UROS: variants seen among roughly 807,000 people sequenced by gnomAD.
UROS encodes the protein uroporphyrinogen-III synthase.
A neutral mutation model predicts 33.0 loss-of-function variants in UROS; 18 were observed. The ratio of observed to expected loss-of-function variants is 0.55; its 90% CI spans 0.38 to 0.81. The LOEUF (loss-of-function observed/expected upper bound fraction) is 0.81. Among genes scored for constraint, UROS ranks in the 30% least tolerant of loss-of-function variants. The probability of loss-of-function intolerance (pLI) is 0.00; values close to 1 mark genes in which losing one functional copy is unlikely to be tolerated. For missense variants in UROS, 293 were observed against 314.9 expected, an observed-to-expected ratio of 0.93 and a Z score of 0.53; for synonymous variants, 114 against 121.1, an observed-to-expected ratio of 0.94 and a Z score of 0.38.
downstream of UROS, among the ~76,000 whole-genome samples, chr10:125,787,063 C>A (rs1040755501): frequency 2.0e-5 from 3 of 152,248 alleles, no homozygotes; most frequent in Admixed American, 2.0e-4. Flanking sequence ...TTTAACCACG[C>A]CCTGGCGCAC....
chr10:125,790,161 G>A (rs1850815004), intron 9 of UROS, among the ~76,000 whole-genome samples: 1 of 152,166 alleles, frequency 6.6e-6, no homozygotes, highest in African/African-American at 2.4e-5. Flanking sequence ...GTCCTGCAGA[G>A]GCCCCGCTCC....
intron 4 of UROS, among the ~76,000 whole-genome samples, chr10:125,814,046 T>C (rs557977413): frequency 9.8e-5 from 15 of 152,340 alleles, no homozygotes; most frequent in Admixed American, 9.2e-4. Context: ...TTCCATACCC[T>C]TTGTTCTCCA....
intron 6 of UROS, among the ~76,000 whole-genome samples, chr10:125,799,156 G>A (rs1851606658): frequency 6.6e-6 from 1 of 152,136 alleles, no homozygotes; most frequent in Non-Finnish European, 1.5e-5. Flanking sequence ...AATAACTGCA[G>A]GCCACTTAAT....
intron 6 of UROS, among the ~76,000 whole-genome samples, chr10:125,803,446 C>A (rs944157607): frequency 5.3e-5 from 8 of 152,228 alleles, no homozygotes; most frequent in Admixed American, 4.6e-4. Flanking sequence ...CCTGCCACAG[C>A]ACCCCAGGCC....
chr10:125,798,175 A>G (rs371061372), intron 6 of UROS, 30 bp from the exon 7 acceptor site: 5 of 1,610,454 alleles, frequency 3.1e-6, no homozygotes, highest in African/African-American at 2.7e-5. Context: ...CTTTGTGAAA[A>G]CTCAGGGCCA....
intron 1 of UROS, among the ~76,000 whole-genome samples, chr10:125,817,519 A>G (rs1461416481): frequency 6.6e-6 from 1 of 152,006 alleles, no homozygotes; most frequent in Non-Finnish European, 1.5e-5. Flanking sequence ...TCTCAGCTTT[A>G]TGACTTAACC....
chr10:125,816,271 A>G lies in UROS; in HGVS notation c.64-11T>C. 6.2e-7 allele frequency: 1 copy of G among 1,613,260 alleles called. No homozygotes were observed. The highest frequency in any genetic ancestry group is 8.5e-7 in the Non-Finnish European group (1 of 1,179,164). On this transcript the variant is annotated splice_polypyrimidine_tract_variant and intron_variant, in intron 2 of 9. Coordinates refer to ENST00000368797, the MANE Select transcript of UROS (RefSeq NM_000375.3). ...ATATAATCCTAATTCCTGAAATGAA[A>G]GAATATAGTTCTGGATTGGCTAGGG... is the stretch of plus-strand genomic sequence containing the variant.
chr10:125,805,590 G>T (rs151286918), intron 6 of UROS, among the ~76,000 whole-genome samples: 2,427 of 152,294 alleles, frequency 0.016, 60 homozygotes, highest in African/African-American at 0.054. Context: ...AGTGACAAGT[G>T]AGCTTGTGAA....
At chr10:125,795,514 C>CA (rs1851279227) in intron 8 of UROS, among the ~76,000 whole-genome samples, 1 of 152,174 alleles carries the variant, frequency 6.6e-6, no homozygotes, top group Admixed American at 6.5e-5. Flanking sequence ...TCAAGGAACT[C>CA]AAGCAAGAGC....
At chr10:125,789,349 T>C in intron 9 of UROS, 2 of 1,227,766 alleles carry the variant, frequency 1.6e-6, no homozygotes, top group South Asian at 1.7e-5. Flanking sequence ...TCTTCGGGTG[T>C]TGGGGGCCCT....
downstream of UROS, chr10:125,788,581 G>A (rs1178474698): frequency 8.1e-6 from 11 of 1,360,118 alleles, no homozygotes; most frequent in Non-Finnish European, 9.5e-6. Flanking sequence ...CATACACTCA[G>A]TAAGCACAGG....
intron 1 of UROS, 152 bp from the exon 2 acceptor site, chr10:125,816,677 T>C: frequency 1.4e-6 from 1 of 723,256 alleles, no homozygotes; most frequent in South Asian, 1.6e-5. Context: ...AATGGGCTTG[T>C]TCTTTCTGAA....
chr10:125,787,868 A>G (rs530804705), downstream of UROS, among the ~76,000 whole-genome samples: 6 of 152,242 alleles, frequency 3.9e-5, no homozygotes, highest in Non-Finnish European at 8.8e-5. Flanking sequence ...GTGGCTGATG[A>G]ATTTCATTAG....
intron 9 of UROS, chr10:125,794,065 G>C (rs1244862342): frequency 6.6e-6 from 1 of 152,254 alleles, no homozygotes; most frequent in African/African-American, 2.4e-5. Context: ...GCCCAGAAGT[G>C]CATCAACTGC....
chr10:125,796,557 G>C (rs1851382883), intron 7 of UROS, among the ~76,000 whole-genome samples: 1 of 152,224 alleles, frequency 6.6e-6, no homozygotes, highest in Non-Finnish European at 1.5e-5. Flanking sequence ...ACACCAGCAA[G>C]TGTAGGAAGG....
intron 1 of UROS, chr10:125,819,639 C>A (rs1394001691): frequency 1.3e-5 from 2 of 152,276 alleles, no homozygotes; most frequent in Admixed American, 6.6e-5. Context: ...GTGGGAAGGA[C>A]CCTAGGGTCT....
chr10:125,818,790 G>A (rs1010870578), intron 1 of UROS, among the ~76,000 whole-genome samples: 1 of 152,088 alleles, frequency 6.6e-6, no homozygotes, highest in Non-Finnish European at 1.5e-5. Context: ...TGGCTTTTTT[G>A]ATGGACTTTC....
chr10:125,799,529 A>G (rs1851636564), intron 6 of UROS, among the ~76,000 whole-genome samples: 1 of 152,200 alleles, frequency 6.6e-6, no homozygotes, highest in Non-Finnish European at 1.5e-5. Context: ...GGCCTTGGAA[A>G]GAGTCAGGAA....
In UROS at chr10:125,795,253, C is replaced by T. The variant is rs889178206; in HGVS notation, c.562-275G>A. 14 of 490,562 alleles carry T rather than the reference C, an allele frequency of 2.9e-5. No individual in the cohort carries two copies. In the Admixed American group the frequency reaches 3.9e-4, roughly 14 times the overall value. The allele number at this position is 490,562 out of a possible 1,614,324, so 30.4% of individuals were successfully genotyped here. ...ACATGGGCATCCCGGAGCTCATGTG[C>T]CCAGCAGCCTAGACAATGCCTCTAG... On this transcript the variant is annotated intron_variant, in intron 8 of 9. Coordinates refer to ENST00000368797, the MANE Select transcript of UROS (RefSeq NM_000375.3).
Sources: allele counts gnomAD v4.1 joint callset (sites outside exome capture counted in the v4.1 genomes callset), GRCh38; gene constraint gnomAD v4.1.1; transcripts MANE v1.5; gene names NCBI Gene and HGNC (gene_info 2026-07-23, HGNC 2026-07-21).